The following CACNA2D3 variants were observed in gnomAD, a reference collection of about 807,000 sequenced individuals.
CACNA2D3 encodes voltage-dependent calcium channel subunit alpha-2/delta-3.
CACNA2D3 carries 60 observed loss-of-function variants against 160.6 expected under a neutral mutation model. The ratio of observed to expected loss-of-function variants is 0.37; its 90% CI spans 0.30 to 0.46. The LOEUF is 0.46. Ranked by LOEUF, CACNA2D3 falls within the 20% of genes least tolerant of loss-of-function variation. The pLI, the probability that CACNA2D3 is intolerant of heterozygous loss-of-function variation, is 1.00. For missense variants in CACNA2D3, 1,205 were observed against 1,365.0 expected (o/e 0.88, Z 1.85); for synonymous variants, 558 against 492.9 (o/e 1.13, Z -1.75).
At chr3:54,890,104 C>T (rs547609957) in intron 24 of CACNA2D3, among the ~76,000 whole-genome samples, 4 of 152,248 alleles carry the variant, frequency 2.6e-5, no homozygotes, top group Non-Finnish European at 5.9e-5. Context: ...TTGAAGATAA[C>T]GTGGAGAATA....
intron 5 of CACNA2D3, among the ~76,000 whole-genome samples, chr3:54,553,553 G>C (rs1438958199): frequency 3.9e-5 from 6 of 152,194 alleles, no homozygotes. Flanking sequence ...AAATCCTGTT[G>C]ATTCTGAGCT....
rs746979717 is a variant in CACNA2D3 at position 55,074,228 on chromosome 3, ACTGACTGAGATGTTCTCTTG to A, written c.*23_*42del. The stretch of plus-strand genomic sequence containing the variant: ...GTGACACTGACTGAGATGTTCTCTT[ACTGACTGAGATGTTCTCTTG>A]GCATGCTAAATCATGGATAAACTGT... On this transcript the variant is annotated 3_prime_UTR_variant, in exon 38 of 38. Transcript: ENST00000474759. 2.8e-6 allele frequency: 3 copies of A among 1,088,514 alleles called. No homozygotes were observed. The highest frequency in any genetic ancestry group is 2.7e-5 in the South Asian group (2 of 75,426). 67.4% of individuals were successfully genotyped at this position (1,088,514 alleles called of 1,614,324 possible).
chr3:54,283,688 A>G (rs770480942), intron 2 of CACNA2D3, among the ~76,000 whole-genome samples: 1 of 152,192 alleles, frequency 6.6e-6, no homozygotes, highest in Non-Finnish European at 1.5e-5. Context: ...GGTGAATCAC[A>G]TTCCCTTTGT....
intron 17 of CACNA2D3, among the ~76,000 whole-genome samples, chr3:54,850,525 C>T (rs1403865364): frequency 6.6e-6 from 1 of 152,240 alleles, no homozygotes. Context: ...GAATGTGGAG[C>T]CCTGAATAGA....
At chr3:54,498,039 T>C (rs1018373917) in intron 4 of CACNA2D3, among the ~76,000 whole-genome samples, 8 of 151,312 alleles carry the variant, frequency 5.3e-5, no homozygotes, top group African/African-American at 1.9e-4. Context: ...GATATTGGCA[T>C]ATAGTTTTTT....
chr3:54,505,341 G>A (rs1701352434), intron 5 of CACNA2D3, among the ~76,000 whole-genome samples: 1 of 152,176 alleles, frequency 6.6e-6, no homozygotes, highest in Non-Finnish European at 1.5e-5. Context: ...CCAAGGATGG[G>A]ACCTGTCTAC....
At chr3:54,697,373 C>T (rs1350629668) in intron 11 of CACNA2D3, among the ~76,000 whole-genome samples, 1 of 152,166 alleles carries the variant, frequency 6.6e-6, no homozygotes, top group Non-Finnish European at 1.5e-5. Flanking sequence ...TGTTAACAAG[C>T]ACCCAAGGTG....
chr3:54,186,417 AG>A, intron 2 of CACNA2D3, among the ~76,000 whole-genome samples: 1 of 152,298 alleles, frequency 6.6e-6, no homozygotes. Context: ...AAATGAGGCT[AG>A]TGTGCACTGT....
intron 2 of CACNA2D3, among the ~76,000 whole-genome samples, chr3:54,276,606 G>A (rs1702745594): frequency 6.6e-6 from 1 of 151,356 alleles, no homozygotes; most frequent in Non-Finnish European, 1.5e-5. Context: ...AGAAGAAAGA[G>A]AGAGCCATTA....
At chr3:54,329,794 T>C (rs1395430628) in intron 3 of CACNA2D3, among the ~76,000 whole-genome samples, 1 of 152,214 alleles carries the variant, frequency 6.6e-6, no homozygotes, top group Non-Finnish European at 1.5e-5. Flanking sequence ...TCTATAATTT[T>C]ATAAATTACC....
At chr3:54,542,453 T>C (rs1402058582) in intron 5 of CACNA2D3, among the ~76,000 whole-genome samples, 1 of 152,144 alleles carries the variant, frequency 6.6e-6, no homozygotes, top group Non-Finnish European at 1.5e-5. Flanking sequence ...AGGAAGCCAG[T>C]GGTGGATCAG....
chr3:54,983,204 A>G (rs1226970667), intron 29 of CACNA2D3, among the ~76,000 whole-genome samples: 1 of 152,242 alleles, frequency 6.6e-6, no homozygotes, highest in Non-Finnish European at 1.5e-5. Flanking sequence ...AACTTTCCAC[A>G]ATGATATAAA....
rs540460979 is a variant in CACNA2D3, at chr3:54,475,701, T to C, written c.382-27791T>C. ...CTCTCCCAGCTTTATTGAGACATAA[T>C]TGACAAATAAACAAATAAACATTGT... On this transcript the variant is annotated intron_variant, in intron 4 of 37. Coordinates refer to ENST00000474759, the MANE Select transcript of CACNA2D3 (RefSeq NM_018398.3). Among the ~76,000 whole-genome samples, 20 of 152,182 alleles carry C rather than the reference T, an allele frequency of 1.3e-4. 1 individual carries two copies. Among genetic ancestry groups the C allele is most frequent in the South Asian group, 1.0e-3 (5 of 4,820 alleles).
intron 8 of CACNA2D3, among the ~76,000 whole-genome samples, chr3:54,578,664 A>G (rs896462328): frequency 6.6e-6 from 1 of 152,228 alleles, no homozygotes; most frequent in Admixed American, 6.5e-5. Flanking sequence ...AAATTAGTCA[A>G]CTGCAAGCTT....
intron 4 of CACNA2D3, among the ~76,000 whole-genome samples, chr3:54,391,855 C>A (rs1699288285): frequency 6.6e-6 from 1 of 152,180 alleles, no homozygotes; most frequent in Non-Finnish European, 1.5e-5. Flanking sequence ...GTTCAGCCCT[C>A]TGGCTTGTCC....
At chr3:55,056,469 A>G (rs1704363947) in intron 35 of CACNA2D3, among the ~76,000 whole-genome samples, 1 of 152,164 alleles carries the variant, frequency 6.6e-6, no homozygotes, top group Non-Finnish European at 1.5e-5. Flanking sequence ...TACCCAAAAG[A>G]TTTGAAATCA....
chr3:54,599,382 C>T (rs1210289211), intron 9 of CACNA2D3, among the ~76,000 whole-genome samples: 3 of 152,162 alleles, frequency 2.0e-5, no homozygotes, highest in Non-Finnish European at 4.4e-5. Context: ...GGTCAAATGT[C>T]GGCAATTTCA....
At chr3:55,006,590 C>A (rs921702131) in intron 32 of CACNA2D3, among the ~76,000 whole-genome samples, 1 of 152,202 alleles carries the variant, frequency 6.6e-6, no homozygotes, top group Non-Finnish European at 1.5e-5. Context: ...CTAATCCTGG[C>A]GGCCCAGAAC....
intron 2 of CACNA2D3, among the ~76,000 whole-genome samples, chr3:54,178,561 T>G (rs1174000979): frequency 1.3e-5 from 2 of 152,240 alleles, no homozygotes; most frequent in Non-Finnish European, 2.9e-5. Context: ...CGTCACCAAC[T>G]GAGCTGTGCT....
Sources: gnomAD v4.1 joint callset for allele counts (sites outside exome capture counted in the v4.1 genomes callset) on GRCh38, gnomAD v4.1.1 for gene constraint, MANE v1.5 for transcripts, NCBI Gene and HGNC (gene_info 2026-07-23, HGNC 2026-07-21) for gene names.